RTTN: variants seen among roughly 807,000 people sequenced by gnomAD.
RTTN encodes the protein rotatin.
A neutral mutation model predicts 269.2 loss-of-function variants in RTTN; 182 were observed. The ratio of observed to expected loss-of-function variants is 0.68; its 90% CI spans 0.60 to 0.76. The LOEUF (loss-of-function observed/expected upper bound fraction) is 0.76. RTTN is among the 30% of genes least tolerant of loss of function. The pLI is 0.00. For missense variants in RTTN, 2,545 were observed against 2,608.6 expected, an observed-to-expected ratio of 0.98 and a Z score of 0.53; for synonymous variants, 1,006 against 963.5, an observed-to-expected ratio of 1.04 and a Z score of -0.82.
At chr18:70,081,392 A>C (rs2058563804) in intron 32 of RTTN, among the ~76,000 whole-genome samples, 1 of 152,228 alleles carries the variant, frequency 6.6e-6, no homozygotes, top group Non-Finnish European at 1.5e-5. Context: ...AGATATTTAC[A>C]GTCTCAGAGC....
intron 19 of RTTN, among the ~76,000 whole-genome samples, chr18:70,141,260 T>C (rs2060250040): frequency 6.6e-6 from 1 of 152,156 alleles, no homozygotes; most frequent in Non-Finnish European, 1.5e-5. Flanking sequence ...TCTTTTTACA[T>C]AAACTCAAAG....
chr18:70,135,391 A>C, intron 21 of RTTN, 111 bp from the exon 22 acceptor site: 1 of 615,866 alleles, frequency 1.6e-6, no homozygotes, highest in Admixed American at 3.6e-5. Context: ...ATAAACCCAG[A>C]TAAGGTGACA....
At chr18:70,006,207 T>C (rs2056180624) in intron 47 of RTTN, 174 bp downstream of exon 47, 1 of 521,912 alleles carries the variant, frequency 1.9e-6, no homozygotes, top group East Asian at 3.0e-5. Flanking sequence ...AATAAAAAGA[T>C]TTCAACTGAT....
chr18:70,118,729 C>T (rs2059659697), intron 26 of RTTN, among the ~76,000 whole-genome samples: 1 of 151,992 alleles, frequency 6.6e-6, no homozygotes, highest in Admixed American at 6.6e-5. Context: ...ATAAAAAGAT[C>T]ACTCACTATA....
At chr18:70,101,958 C>A (rs1206670678) in intron 28 of RTTN, among the ~76,000 whole-genome samples, 2 of 152,128 alleles carry the variant, frequency 1.3e-5, no homozygotes, top group Admixed American at 1.3e-4. Flanking sequence ...ATCATAACTT[C>A]TGTTCTTTTT....
intron 46 of RTTN, among the ~76,000 whole-genome samples, chr18:70,011,442 A>C (rs904559938): frequency 1.3e-5 from 2 of 152,338 alleles, no homozygotes; most frequent in South Asian, 2.1e-4. Flanking sequence ...AACATACACA[A>C]ATCAATAAAA....
At chr18:70,106,257 A>C (rs1479772677) in intron 28 of RTTN, among the ~76,000 whole-genome samples, 1 of 152,204 alleles carries the variant, frequency 6.6e-6, no homozygotes, top group Non-Finnish European at 1.5e-5. Context: ...AGGTGGGAAG[A>C]TCACTTGGGC....
At position 70,153,085 on chromosome 18, in the gene RTTN, G is replaced by A. The variant is rs190226566; in HGVS notation, c.1930-2352C>T. On this transcript the variant is annotated intron_variant, in intron 14 of 48. Transcript: ENST00000640769. ...GAGGCTTTTCACCTGTTGTTTCCTCGGGCTAGAAATTCTCCCTCCCTCCCT... is the reference window on the plus strand; with the variant it reads ...GAGGCTTTTCACCTGTTGTTTCCTCAGGCTAGAAATTCTCCCTCCCTCCCT... 2.2e-4 allele frequency among the ~76,000 whole-genome samples: 33 copies of A among 151,922 alleles called. No individual in the cohort carries two copies. In the East Asian group the frequency reaches 5.4e-3, roughly 25 times the overall value.
chr18:70,071,013 C>T (rs1376630467), intron 34 of RTTN, among the ~76,000 whole-genome samples: 1 of 152,172 alleles, frequency 6.6e-6, no homozygotes, highest in Non-Finnish European at 1.5e-5. Context: ...TCTAAAGAAA[C>T]CTCACTGTCC....
intron 8 of RTTN, 40 bp downstream of exon 8, chr18:70,193,248 C>G: frequency 6.5e-7 from 1 of 1,538,652 alleles, no homozygotes; most frequent in South Asian, 1.2e-5. Context: ...ACAAGTTAAC[C>G]GGCATTTCTC....
chr18:70,116,306 A>G (rs1463949888), intron 26 of RTTN, among the ~76,000 whole-genome samples: 2 of 152,016 alleles, frequency 1.3e-5, no homozygotes, highest in Non-Finnish European at 2.9e-5. Context: ...ATTAAGTAGA[A>G]GCTACTATTA....
chr18:70,103,884 C>T (rs1228148668), intron 28 of RTTN, among the ~76,000 whole-genome samples: 6 of 151,814 alleles, frequency 4.0e-5, no homozygotes, highest in South Asian at 2.1e-4. Context: ...CTTCCCTTTG[C>T]GTGTAACGGG....
chr18:70,072,898 C>A (rs909528113), intron 34 of RTTN, among the ~76,000 whole-genome samples: 1 of 151,992 alleles, frequency 6.6e-6, no homozygotes, highest in Middle Eastern at 3.2e-3. Context: ...TAGTGGAACT[C>A]GGGTAATTAT....
At chr18:70,100,563 CCTTT>C (rs755467233) in intron 28 of RTTN, among the ~76,000 whole-genome samples, 114 of 152,170 alleles carry the variant, frequency 7.5e-4, no homozygotes, top group Non-Finnish European at 1.3e-3. Context: ...AACTGAATAC[CCTTT>C]CTTTCTTTCT....
chr18:70,186,074 C>G (rs1274224497), intron 10 of RTTN, among the ~76,000 whole-genome samples: 2 of 142,980 alleles, frequency 1.4e-5, no homozygotes, highest in South Asian at 2.3e-4. Flanking sequence ...AATGCCCTCT[C>G]CCCCCCAAAA....
chr18:70,006,586 A>G (rs1361633371), intron 46 of RTTN, 102 bp from the exon 47 acceptor site: 2 of 858,798 alleles, frequency 2.3e-6, no homozygotes, highest in Non-Finnish European at 3.8e-6. Context: ...ATTAGAATGC[A>G]TACATAAAGT....
At chr18:70,168,550 T>C (rs1239736166) in intron 12 of RTTN, among the ~76,000 whole-genome samples, 4 of 152,186 alleles carry the variant, frequency 2.6e-5, no homozygotes, top group Non-Finnish European at 5.9e-5. Flanking sequence ...TCAGTTCATA[T>C]CAGTAAGTCA....
rs956072058 is a variant in RTTN, at chr18:70,185,113, T to C, written c.1305+2995A>G. 2.0e-5 allele frequency among the ~76,000 whole-genome samples: 3 copies of C among 151,970 alleles called. No individual in the cohort carries two copies. In the East Asian group the frequency reaches 5.8e-4, roughly 29 times the overall value. On this transcript the variant is annotated intron_variant, in intron 10 of 48. Transcript: ENST00000640769. ...GAATTCAGGAAAGAAAGGACAGTCA[T>C]TTGAACAAATAGTGCTGAGAAAATA...
intron 39 of RTTN, among the ~76,000 whole-genome samples, chr18:70,050,918 G>A (rs930410121): frequency 6.6e-6 from 1 of 152,118 alleles, no homozygotes; most frequent in African/African-American, 2.4e-5. Context: ...ACCGTGTCGG[G>A]GGATGAGAAG....
Sources: gnomAD v4.1 joint callset for allele counts (sites outside exome capture counted in the v4.1 genomes callset) on GRCh38, gnomAD v4.1.1 for gene constraint, MANE v1.5 for transcripts, NCBI Gene and HGNC (gene_info 2026-07-23, HGNC 2026-07-21) for gene names.